The following SCRG1 variants were observed in gnomAD, a reference collection of about 807,000 sequenced individuals.
SCRG1 encodes stimulator of chondrogenesis 1.
Under a neutral mutation model 7.7 loss-of-function variants are expected in SCRG1, and 3 were observed. That is an observed-to-expected ratio of 0.39 (90% confidence interval 0.18 to 1.01). The LOEUF is 1.01. SCRG1 is among the 50% of genes least tolerant of loss of function. The pLI, the probability that SCRG1 is intolerant of heterozygous loss-of-function variation, is 0.36. For missense variants in SCRG1, 110 were observed against 117.2 expected (o/e 0.94, Z 0.28); for synonymous variants, 46 against 41.2 (o/e 1.12, Z -0.44).
chr4:173,486,612 C>A, the SCRG1 span, among the ~76,000 whole-genome samples: 1 of 152,164 alleles, frequency 6.6e-6, no homozygotes, highest in Admixed American at 6.6e-5. Context: ...CCCAAAGACA[C>A]TAAATCTTTT....
At chr4:173,471,262 T>C in the SCRG1 span, among the ~76,000 whole-genome samples, 1 of 152,190 alleles carries the variant, frequency 6.6e-6, no homozygotes. Context: ...TGGGTACAGT[T>C]GGGAGAAAAC....
At chr4:173,417,374 C>A in the SCRG1 span, among the ~76,000 whole-genome samples, 1 of 152,116 alleles carries the variant, frequency 6.6e-6, no homozygotes, top group African/African-American at 2.4e-5. Context: ...GAATTGAATC[C>A]ATAGTTCTTG....
rs747303407 is a variant in SCRG1, at chr4:173,388,313, T to C, written c.*28A>G. 3 of 1,566,744 alleles carry C rather than the reference T, an allele frequency of 1.9e-6. No homozygotes were observed. The African/African-American group carries it at 4.1e-5, about 21-fold the overall frequency. ...AGTGCAGTTTGTGGGAAATCAGGAA[T>C]GGTGTTCTCCAGAATACATGAAGAT... is the stretch of plus-strand genomic sequence containing the variant. On this transcript the variant is annotated 3_prime_UTR_variant, in exon 3 of 3. Coordinates refer to ENST00000296506, the MANE Select transcript of SCRG1 (RefSeq NM_007281.4).
At chr4:173,485,864 C>T in the SCRG1 span, among the ~76,000 whole-genome samples, 15 of 151,976 alleles carry the variant, frequency 9.9e-5, no homozygotes, top group African/African-American at 2.4e-4. Flanking sequence ...CAGCTACTCG[C>T]GAGGCTGAGG....
chr4:173,455,579 T>G, the SCRG1 span, among the ~76,000 whole-genome samples: 1 of 152,138 alleles, frequency 6.6e-6, no homozygotes, highest in Non-Finnish European at 1.5e-5. Context: ...GACACTTCCC[T>G]GAAAGTGAGC....
the SCRG1 span, chr4:173,419,579 T>C: frequency 2.7e-6 from 2 of 727,388 alleles, no homozygotes; most frequent in South Asian, 1.4e-5. Flanking sequence ...AAATTCCTTG[T>C]TTTCAGAATC....
chr4:173,427,430 A>G, the SCRG1 span, among the ~76,000 whole-genome samples: 2 of 152,400 alleles, frequency 1.3e-5, no homozygotes, highest in East Asian at 3.8e-4. Context: ...TCAAAAGCAC[A>G]GAACCATCAT....
chr4:173,483,054 T>G, the SCRG1 span, among the ~76,000 whole-genome samples: 2 of 106,842 alleles, frequency 1.9e-5, no homozygotes, highest in East Asian at 5.5e-4. Context: ...ATTTTATATA[T>G]AATATATTTC....
the SCRG1 span, among the ~76,000 whole-genome samples, chr4:173,498,978 T>C: frequency 6.6e-6 from 1 of 152,194 alleles, no homozygotes; most frequent in Admixed American, 6.5e-5. Context: ...ATTGGCTCCA[T>C]GTGTGGTGTG....
At chr4:173,498,563 A>G in the SCRG1 span, among the ~76,000 whole-genome samples, 1 of 152,242 alleles carries the variant, frequency 6.6e-6, no homozygotes, top group African/African-American at 2.4e-5. Context: ...CGGACTTAAT[A>G]TAAGAATGAG....
the SCRG1 span, among the ~76,000 whole-genome samples, chr4:173,499,608 G>A: frequency 6.6e-6 from 1 of 152,186 alleles, no homozygotes; most frequent in Non-Finnish European, 1.5e-5. This position sits in a 1 kb window ranked among gnomAD's most constrained non-coding sequence, Gnocchi z 4.1. Context: ...TGAACAATGT[G>A]CTAAGGCCTG....
chr4:173,483,255 T>A, the SCRG1 span, among the ~76,000 whole-genome samples: 81 of 66,728 alleles, frequency 1.2e-3, 2 homozygotes, highest in African/African-American at 4.1e-3. Flanking sequence ...ATATCATATA[T>A]GATATATCAT....
the SCRG1 span, among the ~76,000 whole-genome samples, chr4:173,450,690 T>C: frequency 6.6e-6 from 1 of 152,190 alleles, no homozygotes; most frequent in Non-Finnish European, 1.5e-5. Flanking sequence ...GACTCTCAGA[T>C]AGGGAAACCC....
At chr4:173,509,474 G>C in the SCRG1 span, among the ~76,000 whole-genome samples, 1 of 152,192 alleles carries the variant, frequency 6.6e-6, no homozygotes, top group Non-Finnish European at 1.5e-5. The surrounding 1 kb of genome is among the most constrained non-coding windows in gnomAD (Gnocchi z 5.7). Flanking sequence ...GCTTTGCAAA[G>C]CCGGCCTCTG....
the SCRG1 span, among the ~76,000 whole-genome samples, chr4:173,483,182 AT>A: frequency 7.9e-6 from 1 of 126,494 alleles, no homozygotes; most frequent in Non-Finnish European, 1.6e-5. Context: ...CATATAATAT[AT>A]TATATATGAT....
At chr4:173,417,768 G>A in the SCRG1 span, among the ~76,000 whole-genome samples, 401 of 152,186 alleles carry the variant, frequency 2.6e-3, 3 homozygotes, top group Non-Finnish European at 4.4e-3. Context: ...CAAGTAGCTG[G>A]CACTACAGGT....
chr4:173,419,741 T>C, the SCRG1 span: 6 of 1,198,788 alleles, frequency 5.0e-6, no homozygotes, highest in Non-Finnish European at 6.1e-6. Context: ...TGCGACCAAA[T>C]AGCAGGTAAA....
At chr4:173,516,780 G>T in the SCRG1 span, among the ~76,000 whole-genome samples, 2 of 152,174 alleles carry the variant, frequency 1.3e-5, no homozygotes, top group Non-Finnish European at 2.9e-5. Flanking sequence ...CTGACGTTAC[G>T]CAGAGGCGCA....
chr4:173,387,705 C>CTTTTTTTTTTTTTTTTTTTTTTTTTTTT lies in SCRG1; in HGVS notation c.*635_*636insAAAAAAAAAAAAAAAAAAAAAAAAAAAA, dbSNP rs749325462. 2 of 66,962 alleles carry CTTTTTTTTTTTTTTTTTTTTTTTTTTTT rather than the reference C, an allele frequency of 3.0e-5. 1 individual carries two copies. Among genetic ancestry groups the CTTTTTTTTTTTTTTTTTTTTTTTTTTTT allele is most frequent in the Non-Finnish European group, 5.3e-5 (2 of 37,500 alleles). The allele number at this position is 66,962 out of a possible 1,614,324, so 4.1% of individuals were successfully genotyped here. A position where few individuals can be genotyped will look rare whatever the true frequency, so the allele number is the denominator to read the frequency against. On this transcript the variant is annotated 3_prime_UTR_variant, in exon 3 of 3. Coordinates refer to ENST00000296506, the MANE Select transcript of SCRG1 (RefSeq NM_007281.4). ...TACCCTCAAATATTGTTCCCTTTTCCTTTTTTTTTTTTTTTTTTTTTTTTC... is the reference window on the plus strand; with the variant it reads ...TACCCTCAAATATTGTTCCCTTTTCCTTTTTTTTTTTTTTTTTTTTTTTTTTTTTTTTTTTTTTTTTTTTTTTTTTTTC...
Sources: gnomAD v4.1 joint callset for allele counts (sites outside exome capture counted in the v4.1 genomes callset) on GRCh38, gnomAD v4.1.1 for gene constraint, Gnocchi (gnomAD v3.1) non-coding constraint, MANE v1.5 for transcripts, NCBI Gene and HGNC (gene_info 2026-07-23, HGNC 2026-07-21) for gene names.